Variants in PARD3 observed in about 807,000 individuals in gnomAD.
PARD3 encodes partitioning defective 3 homolog.
In PARD3, 75 loss-of-function variants were observed where a neutral mutation model predicts 155.4. The ratio of observed to expected loss-of-function variants is 0.48; its 90% CI spans 0.40 to 0.58. PARD3 has a LOEUF of 0.58. PARD3 is among the 20% of genes least tolerant of loss of function. The pLI, the probability that PARD3 is intolerant of heterozygous loss-of-function variation, is 0.00. For missense variants in PARD3, 1,642 were observed against 1,721.7 expected (o/e 0.95, Z 0.82); for synonymous variants, 576 against 610.5 (o/e 0.94, Z 0.83).
chr10:34,408,218 A>C (rs541718242), intron 5 of PARD3, among the ~76,000 whole-genome samples: 58 of 88,704 alleles, frequency 6.5e-4, no homozygotes, highest in African/African-American at 1.0e-3. Flanking sequence ...AGAAAGCACA[A>C]AAAAAAAATG....
At chr10:34,320,898 T>A (rs1418499130) in intron 19 of PARD3, among the ~76,000 whole-genome samples, 1 of 152,204 alleles carries the variant, frequency 6.6e-6, no homozygotes, top group Non-Finnish European at 1.5e-5. Flanking sequence ...ATTTAACTAA[T>A]CCCTTTGAAT....
Position 34,183,848 on chromosome 10 carries a change from C to A in PARD3, c.3420-52265G>T, listed in dbSNP as rs140644954. ...CTTTGCCCTCCTTAAAACCACTCCA[C>A]GTATGTACGTGTCGTTAATCCTATC... On this transcript the variant is annotated intron_variant, in intron 22 of 24. Coordinates refer to ENST00000374788, the MANE Select transcript of PARD3 (RefSeq NM_001184785.2). Among the ~76,000 whole-genome samples, 7 of 152,328 alleles carry A rather than the reference C, an allele frequency of 4.6e-5. 2 individuals carry two copies. The highest frequency in any genetic ancestry group is 1.4e-4 in the African/African-American group (6 of 41,568).
At chr10:34,364,132 G>A (rs1170102089) in intron 12 of PARD3, among the ~76,000 whole-genome samples, 1 of 152,102 alleles carries the variant, frequency 6.6e-6, no homozygotes, top group Non-Finnish European at 1.5e-5. Context: ...CAGCAAAGGT[G>A]TTATCTATAA....
At chr10:34,174,119 G>A (rs538909563) in intron 22 of PARD3, among the ~76,000 whole-genome samples, 4 of 152,158 alleles carry the variant, frequency 2.6e-5, no homozygotes, top group Non-Finnish European at 4.4e-5. Context: ...CAAGCATAAC[G>A]ATGCTTCATT....
intron 2 of PARD3, among the ~76,000 whole-genome samples, chr10:34,653,806 A>T (rs939023470): frequency 6.6e-6 from 1 of 151,886 alleles, no homozygotes; most frequent in African/African-American, 2.4e-5. Context: ...AAAAAAAAAA[A>T]AAAAAATGTA....
rs779397159 is a variant in PARD3, at chr10:34,696,425, C to A, written c.121-6G>T. 16 of 1,560,630 alleles carry A rather than the reference C, an allele frequency of 1.0e-5. No homozygotes were observed. Among genetic ancestry groups the A allele is most frequent in the South Asian group, 6.7e-5 (6 of 89,520 alleles). ...TGTATCCAGTAGTTTGGATCCTATACGAAAGAACAGAAACACTGAATATAG... is the reference window on the plus strand; with the variant it reads ...TGTATCCAGTAGTTTGGATCCTATAAGAAAGAACAGAAACACTGAATATAG... On this transcript the variant is annotated splice_region_variant and splice_polypyrimidine_tract_variant and intron_variant, in intron 1 of 24. Transcript: ENST00000374788.
chr10:34,232,045 G>A (rs970266430), intron 22 of PARD3, among the ~76,000 whole-genome samples: 8 of 152,040 alleles, frequency 5.3e-5, no homozygotes, highest in African/African-American at 1.5e-4. Flanking sequence ...CACAGAACTC[G>A]AATAAAGGTC....
chr10:34,164,185 T>C (rs1165501095), intron 22 of PARD3, among the ~76,000 whole-genome samples: 1 of 152,136 alleles, frequency 6.6e-6, no homozygotes, highest in Non-Finnish European at 1.5e-5. Flanking sequence ...AAGGAAGAAT[T>C]GGCCATAAAA....
chr10:34,338,009 A>G (rs1271237297), intron 16 of PARD3, among the ~76,000 whole-genome samples: 1 of 152,266 alleles, frequency 6.6e-6, no homozygotes, highest in East Asian at 1.9e-4. Flanking sequence ...TATTCTGATT[A>G]AGGCATTGTG....
chr10:34,129,245 C>T (rs113221899), intron 23 of PARD3, among the ~76,000 whole-genome samples: 17 of 152,254 alleles, frequency 1.1e-4, no homozygotes, highest in African/African-American at 3.4e-4. Context: ...CTCTGCCTCC[C>T]GGGTTCAAGT....
intron 22 of PARD3, among the ~76,000 whole-genome samples, chr10:34,133,066 C>A (rs1304852294): frequency 6.6e-6 from 1 of 152,170 alleles, no homozygotes; most frequent in Non-Finnish European, 1.5e-5. Context: ...ACCTCCATCA[C>A]CCAATAAAAT....
intron 2 of PARD3, among the ~76,000 whole-genome samples, chr10:34,601,700 C>T (rs2089795820): frequency 6.6e-6 from 1 of 152,132 alleles, no homozygotes; most frequent in Non-Finnish European, 1.5e-5. Context: ...CTATGGAATC[C>T]TTCAGTTTCC....
At chr10:34,705,869 G>A (rs1276585680) in intron 1 of PARD3, among the ~76,000 whole-genome samples, 2 of 152,138 alleles carry the variant, frequency 1.3e-5, no homozygotes, top group Admixed American at 1.3e-4. Context: ...CATGAAACCA[G>A]GTGAAGTCCA....
chr10:34,799,383 G>A (rs73262996), intron 1 of PARD3, among the ~76,000 whole-genome samples: 24 of 152,108 alleles, frequency 1.6e-4, no homozygotes, highest in African/African-American at 5.1e-4. Flanking sequence ...AATGGGCCCC[G>A]AGATTGTACA....
intron 2 of PARD3, among the ~76,000 whole-genome samples, chr10:34,646,890 A>G (rs1015507096): frequency 6.6e-6 from 1 of 152,112 alleles, no homozygotes; most frequent in African/African-American, 2.4e-5. Context: ...GGGTCTCCCT[A>G]TATTGCCCAG....
chr10:34,113,425 T>C (rs1946493930), intron 24 of PARD3, among the ~76,000 whole-genome samples: 1 of 151,846 alleles, frequency 6.6e-6, no homozygotes, highest in African/African-American at 2.4e-5. Context: ...AATTAATCAG[T>C]ATAGAGAGAA....
intron 21 of PARD3, among the ~76,000 whole-genome samples, chr10:34,277,471 A>C (rs1379305657): frequency 1.3e-5 from 2 of 151,758 alleles, no homozygotes; most frequent in Non-Finnish European, 3.0e-5. Context: ...TACCCTGGTA[A>C]CAGTTCCAAT....
chr10:34,306,741 A>ATGCG (rs1957429800), intron 20 of PARD3, among the ~76,000 whole-genome samples: 3 of 152,204 alleles, frequency 2.0e-5, no homozygotes, highest in Non-Finnish European at 4.4e-5. Context: ...AGTCACAGGT[A>ATGCG]TGTACGTATA....
At chr10:34,567,826 T>C (rs927864913) in intron 2 of PARD3, among the ~76,000 whole-genome samples, 1 of 152,234 alleles carries the variant, frequency 6.6e-6, no homozygotes, top group Non-Finnish European at 1.5e-5. Flanking sequence ...AGATGTGACA[T>C]GAACAATTTC....
Sources: allele counts gnomAD v4.1 joint callset (sites outside exome capture counted in the v4.1 genomes callset), GRCh38; gene constraint gnomAD v4.1.1; transcripts MANE v1.5; gene names NCBI Gene and HGNC (gene_info 2026-07-23, HGNC 2026-07-21).